Variants in LIPI observed in about 807,000 individuals in gnomAD.
LIPI encodes lipase I, also known as lipase member I.
LIPI carries 59 observed loss-of-function variants against 50.6 expected under a neutral mutation model. That is an observed-to-expected ratio of 1.16 (90% CI 0.94 to 1.45). LIPI has a LOEUF of 1.45. LIPI is among the 40% of genes most tolerant of loss of function. The pLI is 0.00. For synonymous variants in LIPI, 203 were observed against 178.2 expected (o/e 1.14, Z -1.11); for missense variants, 586 against 536.3 (o/e 1.09, Z -0.92).
chr21:14,141,378 C>A lies in LIPI; in HGVS notation c.1295+3245G>T, dbSNP rs2123045744. Among the ~76,000 whole-genome samples, 2 of 74,002 alleles carry A rather than the reference C, an allele frequency of 2.7e-5. 1 individual carries two copies. Among genetic ancestry groups the A allele is most frequent in the South Asian group, 8.6e-4 (2 of 2,318 alleles). The allele number at this position is 74,002 out of a possible 152,430, so 48.5% of individuals were successfully genotyped here. ...CTATTTTAATGTTGATACCAAATAA[C>A]TTTAGTTGTTTTTTTTTTTTTAACT... On this transcript the variant is annotated intron_variant, in intron 9 of 9. Transcript: ENST00000681601.
chr21:14,189,881 CA>C (rs1479765787), intron 1 of LIPI, among the ~76,000 whole-genome samples: 1 of 151,808 alleles, frequency 6.6e-6, no homozygotes, highest in Non-Finnish European at 1.5e-5. Context: ...TAAAATGTTT[CA>C]AAAAATTAAA....
rs139278505 is a variant in LIPI at position 14,198,947 on chromosome 21, T to G, written c.47-9528A>C. On this transcript the variant is annotated intron_variant, in intron 1 of 9. Coordinates refer to ENST00000681601, the MANE Select transcript of LIPI (RefSeq NM_001302998.2). ...GTGTAATCAAATTAGAAATTAACAC[T>G]AAGAAATTCACTCAAAATGATACAA... 5.5e-3 allele frequency among the ~76,000 whole-genome samples: 837 copies of G among 152,128 alleles called. 7 individuals carry two copies. Among genetic ancestry groups the G allele is most frequent in the African/African-American group, 0.019 (791 of 41,524 alleles).
intron 6 of LIPI, among the ~76,000 whole-genome samples, chr21:14,164,313 G>A (rs768042033): frequency 3.3e-5 from 5 of 152,066 alleles, no homozygotes; most frequent in Non-Finnish European, 7.4e-5. Context: ...CATGGAAGAA[G>A]GATGGGGCCA....
intron 8 of LIPI, among the ~76,000 whole-genome samples, chr21:14,152,201 A>G (rs1254109238): frequency 6.6e-6 from 1 of 151,958 alleles, no homozygotes; most frequent in Admixed American, 6.6e-5. Context: ...CCTGGGTTCA[A>G]GCAATTCTCT....
At chr21:14,152,210 C>T (rs1251491295) in intron 8 of LIPI, among the ~76,000 whole-genome samples, 4 of 152,028 alleles carry the variant, frequency 2.6e-5, no homozygotes, top group South Asian at 2.1e-4. Flanking sequence ...AAGCAATTCT[C>T]TTGCCTCAGC....
chr21:14,155,754 A>T (rs1055823427), intron 7 of LIPI, among the ~76,000 whole-genome samples: 1 of 152,038 alleles, frequency 6.6e-6, no homozygotes, highest in African/African-American at 2.4e-5. Context: ...GGAAATAGAG[A>T]CATTGTCAGA....
chr21:14,163,518 G>C lies in LIPI; in HGVS notation c.907C>G (p.Gln303Glu). Residue 303 changes from glutamine (Q) to glutamate (E), a missense_variant, in exon 7 of 10, where the codon CAA becomes GAA. By Grantham distance (29) the Gln-to-Glu change is conservative. Coordinates refer to ENST00000681601, the MANE Select transcript of LIPI (RefSeq NM_001302998.2). ...AAAACACCTTTAAATAGCTTGGCTT[G>C]ATAACCTGAGATTTGAGAAATAGAA... ...KEKSCPRLGY[Q>E]AKLFKGVLKE... The C allele has an allele frequency of 6.9e-7, 1 of 1,453,710 alleles. No individual in the cohort carries two copies. Among genetic ancestry groups the C allele is most frequent in the South Asian group, 1.1e-5 (1 of 87,690 alleles). 90.1% of individuals were successfully genotyped at this position (1,453,710 alleles called of 1,614,324 possible).
At chr21:14,167,634 A>G (rs2018739105) in intron 4 of LIPI, among the ~76,000 whole-genome samples, 1 of 152,238 alleles carries the variant, frequency 6.6e-6, no homozygotes, top group African/African-American at 2.4e-5. Flanking sequence ...GCAAACTCCA[A>G]CAGACCTGCA....
At chr21:14,195,825 T>G (rs1413143992) in intron 1 of LIPI, among the ~76,000 whole-genome samples, 1 of 152,096 alleles carries the variant, frequency 6.6e-6, no homozygotes, top group Non-Finnish European at 1.5e-5. Flanking sequence ...GATGGCATAA[T>G]GTCTAAGAAG....
chr21:14,151,645 C>T (rs1159891021), intron 8 of LIPI, among the ~76,000 whole-genome samples: 1 of 152,126 alleles, frequency 6.6e-6, no homozygotes, highest in Non-Finnish European at 1.5e-5. Flanking sequence ...GAAACCACAA[C>T]TATATGGTAG....
intron 9 of LIPI, among the ~76,000 whole-genome samples, chr21:14,117,995 G>C (rs2016719876): frequency 6.6e-6 from 1 of 152,020 alleles, no homozygotes; most frequent in South Asian, 2.1e-4. Flanking sequence ...AGGAGACCAG[G>C]ACAGGTCAGG....
intron 9 of LIPI, among the ~76,000 whole-genome samples, chr21:14,132,369 G>A (rs938936146): frequency 6.6e-5 from 10 of 152,088 alleles, no homozygotes; most frequent in African/African-American, 2.4e-4. Flanking sequence ...AGACTTTTTA[G>A]CAGAAACCTT....
At chr21:14,143,589 T>C (rs1438081871) in intron 9 of LIPI, 4 of 151,854 alleles carry the variant, frequency 2.6e-5, no homozygotes, top group Non-Finnish European at 4.4e-5. Flanking sequence ...TAAAGAGAAA[T>C]AAAGAGGAAG....
rs2017841386 is a variant in LIPI at position 14,144,788 on chromosome 21, G to T, written c.1130C>A (p.Pro377Gln). Residue 377 changes from proline (P) to glutamine (Q), a missense_variant, in exon 9 of 10, where the codon CCA (proline) becomes CAA (glutamine). Pro to Gln is a moderately conservative substitution (Grantham distance 76). Transcript: ENST00000681601. Reference protein sequence around the residue: ...EEPRLYEKNKPFYKLQEVKIL... With the variant: ...EEPRLYEKNKQFYKLQEVKIL... ...CTTGACTTCTTGAAGTTTATAAAAT[G>T]GTTTGTTCTTTCTAGAGAGAAAATT... 2 of 1,569,068 alleles carry T rather than the reference G, an allele frequency of 1.3e-6. No homozygotes were observed. The highest frequency in any genetic ancestry group is 1.7e-5 in the Admixed American group (1 of 59,628).
intron 9 of LIPI, among the ~76,000 whole-genome samples, chr21:14,112,697 G>A (rs1485377903): frequency 6.6e-6 from 1 of 151,804 alleles, no homozygotes; most frequent in Non-Finnish European, 1.5e-5. Flanking sequence ...ACATATTCAT[G>A]CATTTTGTTT....
intron 4 of LIPI, among the ~76,000 whole-genome samples, chr21:14,173,127 C>T (rs940405469): frequency 2.0e-5 from 3 of 152,070 alleles, no homozygotes; most frequent in South Asian, 4.1e-4. Context: ...GGATGTGAGG[C>T]GGTGACCCCA....
chr21:14,196,089 T>C (rs2019833374), intron 1 of LIPI, among the ~76,000 whole-genome samples: 1 of 137,256 alleles, frequency 7.3e-6, no homozygotes, highest in Admixed American at 7.7e-5. Context: ...GCATGAGAAA[T>C]AAAAACATGT....
intron 1 of LIPI, among the ~76,000 whole-genome samples, chr21:14,203,258 T>C (rs1462680069): frequency 1.3e-5 from 2 of 152,062 alleles, no homozygotes; most frequent in South Asian, 2.1e-4. Flanking sequence ...AGTTCAACCA[T>C]TGTGGAAGTC....
chr21:14,117,475 A>G (rs575479617), intron 9 of LIPI, among the ~76,000 whole-genome samples: 1 of 152,310 alleles, frequency 6.6e-6, no homozygotes, highest in South Asian at 2.1e-4. Context: ...ACCAATAGAA[A>G]CTGATCCAGG....
Sources: allele counts gnomAD v4.1 joint callset (sites outside exome capture counted in the v4.1 genomes callset), GRCh38; gene constraint gnomAD v4.1.1; transcripts MANE v1.5; gene names NCBI Gene and HGNC (gene_info 2026-07-23, HGNC 2026-07-21).